Variants in CACNA1C observed in about 807,000 individuals in gnomAD.
The protein encoded by CACNA1C is calcium voltage-gated channel subunit alpha1 C.
In CACNA1C, 30 loss-of-function variants were observed where a neutral mutation model predicts 229.0. The observed-to-expected ratio is 0.13, with a 90% CI of 0.10 to 0.18. CACNA1C has a LOEUF of 0.18. CACNA1C is among the 10% of genes least tolerant of loss of function. The probability of loss-of-function intolerance (pLI) is 1.00; values close to 1 mark genes in which losing one functional copy is unlikely to be tolerated. For synonymous variants in CACNA1C, 1,114 were observed against 1,132.5 expected (o/e 0.98, Z 0.33); for missense variants, 1,658 against 2,845.0 (o/e 0.58, Z 9.49).
intron 3 of CACNA1C, among the ~76,000 whole-genome samples, chr12:2,302,979 G>A (rs977019836): frequency 6.6e-6 from 1 of 152,218 alleles, no homozygotes; most frequent in African/African-American, 2.4e-5. Flanking sequence ...CCTGGTAAAT[G>A]CAGAGCCTGC....
At chr12:2,428,327 T>G (rs2099052239) in intron 3 of CACNA1C, among the ~76,000 whole-genome samples, 1 of 152,198 alleles carries the variant, frequency 6.6e-6, no homozygotes, top group South Asian at 2.1e-4. Flanking sequence ...CTCCCCTGCC[T>G]TTCAGCTTTC....
At chr12:2,468,884 G>C (rs2099574882) in intron 5 of CACNA1C, among the ~76,000 whole-genome samples, 1 of 152,246 alleles carries the variant, frequency 6.6e-6, no homozygotes, top group South Asian at 2.1e-4. Flanking sequence ...ATTCGCCCTA[G>C]AGTATTAGCC....
At chr12:2,541,129 C>T (rs1404767228) in intron 9 of CACNA1C, among the ~76,000 whole-genome samples, 1 of 152,140 alleles carries the variant, frequency 6.6e-6, no homozygotes, top group Non-Finnish European at 1.5e-5. Context: ...CCCTCATGAC[C>T]TCATCTTAAT....
At chr12:2,491,530 A>G (rs532693343) in intron 6 of CACNA1C, among the ~76,000 whole-genome samples, 22 of 150,306 alleles carry the variant, frequency 1.5e-4, no homozygotes, top group South Asian at 4.3e-4. Flanking sequence ...GGCCACAAAG[A>G]TGACCACGAA....
chr12:2,450,912 G>A (rs1293153638), intron 4 of CACNA1C, among the ~76,000 whole-genome samples: 3 of 152,170 alleles, frequency 2.0e-5, no homozygotes, highest in African/African-American at 7.2e-5. Context: ...TTTACTGCAG[G>A]AAATGACGCA....
At chr12:2,229,265 G>C (rs552747478) in intron 3 of CACNA1C, among the ~76,000 whole-genome samples, 1 of 152,298 alleles carries the variant, frequency 6.6e-6, no homozygotes, top group East Asian at 1.9e-4. Flanking sequence ...TAGACACTCA[G>C]AGTGCAGGCT....
intron 8 of CACNA1C, among the ~76,000 whole-genome samples, chr12:2,507,124 T>C (rs530927770): frequency 6.6e-6 from 1 of 152,370 alleles, no homozygotes; most frequent in South Asian, 2.1e-4. Context: ...ATCTGACCTC[T>C]GAACTTAGGA....
In CACNA1C at chr12:2,196,629, A is replaced by G. The variant is rs575639072; in HGVS notation, c.477+76199A>G. Among the ~76,000 whole-genome samples, 59 of 152,394 alleles carry G rather than the reference A, an allele frequency of 3.9e-4. 2 individuals carry two copies. The highest frequency in any genetic ancestry group is 3.7e-3 in the Admixed American group (56 of 15,306). ...TAGTATTTTTGCAAATGGATAATGT[A>G]GAATTGCAGTTGCAGACTCCCTGAA... On this transcript the variant is annotated intron_variant, in intron 3 of 46. Transcript: ENST00000399655.
chr12:2,326,804 AGAATG>A (rs2096317509), intron 3 of CACNA1C, among the ~76,000 whole-genome samples: 1 of 152,238 alleles, frequency 6.6e-6, no homozygotes, highest in Non-Finnish European at 1.5e-5. Flanking sequence ...CATGTCACTC[AGAATG>A]GCTCCTGCTG....
intron 5 of CACNA1C, among the ~76,000 whole-genome samples, chr12:2,465,970 G>A (rs768169350): frequency 6.6e-6 from 1 of 152,058 alleles, no homozygotes; most frequent in Non-Finnish European, 1.5e-5. Context: ...TTACTGATAC[G>A]ATGAATATTG....
chr12:2,080,911 C>T (rs1246687200), intron 1 of CACNA1C, among the ~76,000 whole-genome samples: 1 of 152,066 alleles, frequency 6.6e-6, no homozygotes, highest in Non-Finnish European at 1.5e-5. Context: ...TAACTTACAT[C>T]TAAATGGAGT....
chr12:2,481,402 G>T (rs566067657), intron 5 of CACNA1C, among the ~76,000 whole-genome samples: 2 of 152,304 alleles, frequency 1.3e-5, no homozygotes, highest in African/African-American at 4.8e-5. Flanking sequence ...ATAGATGCAG[G>T]TCCTCTAAGC....
At chr12:2,561,584 C>G (rs1045369365) in intron 11 of CACNA1C, among the ~76,000 whole-genome samples, 1 of 152,226 alleles carries the variant, frequency 6.6e-6, no homozygotes, top group African/African-American at 2.4e-5. Flanking sequence ...GTGAGCCCCA[C>G]AGGAGGGGCA....
At chr12:2,194,812 G>T (rs1183370671) in intron 3 of CACNA1C, among the ~76,000 whole-genome samples, 1 of 152,194 alleles carries the variant, frequency 6.6e-6, no homozygotes, top group Non-Finnish European at 1.5e-5. Flanking sequence ...TCTGGCCTCA[G>T]AGGAGCACAG....
At position 2,602,359 on chromosome 12, in the gene CACNA1C, C is replaced by G. The variant is rs1323926417; in HGVS notation, c.2960+399C>G. On this transcript the variant is annotated intron_variant, in intron 22 of 46. Transcript: ENST00000399655. This position sits in a 1 kb window ranked among gnomAD's most constrained non-coding sequence, Gnocchi z 4.4. ...CCCTCCTTCTCCCTTTCTCTCCCCT[C>G]TCTCTCCAGCCAAAGCACCTCATGT... is the stretch of plus-strand genomic sequence containing the variant. Among the ~76,000 whole-genome samples, 2 of 152,116 alleles carry G rather than the reference C, an allele frequency of 1.3e-5. No homozygotes were observed. Among genetic ancestry groups the G allele is most frequent in the African/African-American group, 2.4e-5 (1 of 41,426 alleles).
chr12:2,675,384 T>C (rs2153771286), intron 39 of CACNA1C, among the ~76,000 whole-genome samples: 1 of 152,298 alleles, frequency 6.6e-6, no homozygotes, highest in East Asian at 1.9e-4. Flanking sequence ...CAATACTGAA[T>C]ACTGTCAACA....
intron 28 of CACNA1C, among the ~76,000 whole-genome samples, chr12:2,611,073 G>A (rs142340373): frequency 6.7e-4 from 99 of 148,690 alleles, no homozygotes; most frequent in African/African-American, 2.2e-3. Context: ...GGGATGAGCT[G>A]GATGCATTCC....
intron 9 of CACNA1C, among the ~76,000 whole-genome samples, chr12:2,545,476 C>T (rs2099879459): frequency 6.6e-6 from 1 of 152,086 alleles, no homozygotes; most frequent in Admixed American, 6.5e-5. Flanking sequence ...ACCACTGTGC[C>T]GTACGTTCGT....
intron 9 of CACNA1C, among the ~76,000 whole-genome samples, chr12:2,527,279 A>C (rs895165086): frequency 5.9e-5 from 9 of 152,230 alleles, no homozygotes; most frequent in Non-Finnish European, 1.2e-4. Context: ...GACAAACCGC[A>C]GGCCAGCACT....
Sources: allele counts gnomAD v4.1 joint callset (sites outside exome capture counted in the v4.1 genomes callset), GRCh38; gene constraint gnomAD v4.1.1; non-coding constraint Gnocchi (gnomAD v3.1); transcripts MANE v1.5; gene names NCBI Gene and HGNC (gene_info 2026-07-23, HGNC 2026-07-21).